Variants in KLHL1 observed in about 807,000 individuals in gnomAD.
The protein encoded by KLHL1 is kelch-like protein 1.
A neutral mutation model predicts 77.7 loss-of-function variants in KLHL1; 47 were observed. That is an observed-to-expected ratio of 0.60 (90% CI 0.48 to 0.77). The LOEUF (loss-of-function observed/expected upper bound fraction) is 0.77. KLHL1 is among the 30% of genes least tolerant of loss of function. KLHL1 has a pLI of 0.00. For missense variants in KLHL1, 925 were observed against 910.8 expected (o/e 1.02, Z -0.20); for synonymous variants, 360 against 325.2 (o/e 1.11, Z -1.15).
At chr13:69,989,829 T>C (rs1884980214) in intron 1 of KLHL1, among the ~76,000 whole-genome samples, 1 of 152,032 alleles carries the variant, frequency 6.6e-6, no homozygotes, top group South Asian at 2.1e-4. Context: ...GAAGCTTTGC[T>C]GAAGTTGCTT....
intron 8 of KLHL1, among the ~76,000 whole-genome samples, chr13:69,720,436 T>C (rs1411852848): frequency 6.6e-6 from 1 of 152,090 alleles, no homozygotes; most frequent in Non-Finnish European, 1.5e-5. Flanking sequence ...TTAAAACTTT[T>C]ATTGATATGT....
At chr13:69,879,725 C>A (rs1880913296) in intron 5 of KLHL1, among the ~76,000 whole-genome samples, 1 of 151,938 alleles carries the variant, frequency 6.6e-6, no homozygotes. Flanking sequence ...AATATGAAAC[C>A]AACCCTAAAT....
At chr13:69,806,814 C>T (rs1877637557) in intron 6 of KLHL1, among the ~76,000 whole-genome samples, 1 of 152,186 alleles carries the variant, frequency 6.6e-6, no homozygotes, top group African/African-American at 2.4e-5. Flanking sequence ...AGTGCAGATA[C>T]TGGGGACCTA....
chr13:69,789,902 A>G (rs1230218525), intron 7 of KLHL1, among the ~76,000 whole-genome samples: 1 of 152,184 alleles, frequency 6.6e-6, no homozygotes, highest in Non-Finnish European at 1.5e-5. Context: ...GGAGAATGTA[A>G]CTTAGAGCTA....
intron 3 of KLHL1, among the ~76,000 whole-genome samples, chr13:69,954,346 T>C (rs992668532): frequency 6.6e-6 from 1 of 151,252 alleles, no homozygotes; most frequent in Non-Finnish European, 1.5e-5. Context: ...GTGAACCTTA[T>C]GATTAAAGTA....
intron 5 of KLHL1, among the ~76,000 whole-genome samples, chr13:69,852,105 T>C (rs1411924939): frequency 6.6e-6 from 1 of 151,826 alleles, no homozygotes; most frequent in Non-Finnish European, 1.5e-5. Flanking sequence ...AAGAAATTGC[T>C]CTGAATTAAG....
intron 7 of KLHL1, among the ~76,000 whole-genome samples, chr13:69,792,053 C>T (rs1490236780): frequency 6.6e-6 from 1 of 152,120 alleles, no homozygotes; most frequent in Non-Finnish European, 1.5e-5. Flanking sequence ...CACAGCAAAT[C>T]ACCATGGCAC....
Position 69,855,345 on chromosome 13 carries a change from TAGAC to T in KLHL1, c.1228-16187_1228-16184del, listed in dbSNP as rs1222247998. Among the ~76,000 whole-genome samples the T allele has an allele frequency of 2.8e-3, 200 of 72,356 alleles. 1 individual carries two copies. The highest frequency in any genetic ancestry group is 7.9e-3 in the African/African-American group (105 of 13,254). The allele number at this position is 72,356 out of a possible 152,430, so 47.5% of individuals were successfully genotyped here. A position where few individuals can be genotyped will look rare whatever the true frequency, so the allele number is the denominator to read the frequency against. Reference sequence around the variant, plus strand: ...ATAGATAGATAGATAGATAGATAGATAGACAGACAGATAGATACATAGAGAGATA... The same window carrying T: ...ATAGATAGATAGATAGATAGATAGATAGACAGATAGATACATAGAGAGATA... On this transcript the variant is annotated intron_variant, in intron 5 of 10. Transcript: ENST00000377844.
intron 6 of KLHL1, among the ~76,000 whole-genome samples, chr13:69,838,287 A>G (rs957628887): frequency 6.6e-6 from 1 of 151,760 alleles, no homozygotes; most frequent in Admixed American, 6.6e-5. Flanking sequence ...ATGGTTAATT[A>G]TATCATTTAT....
intron 7 of KLHL1, among the ~76,000 whole-genome samples, chr13:69,744,518 T>C (rs889534229): frequency 1.3e-5 from 2 of 150,458 alleles, no homozygotes; most frequent in African/African-American, 4.9e-5. Context: ...ATACAATATA[T>C]AAATACATAT....
intron 6 of KLHL1, among the ~76,000 whole-genome samples, chr13:69,816,431 T>TTA (rs1293414473): frequency 6.6e-6 from 1 of 151,840 alleles, no homozygotes; most frequent in Non-Finnish European, 1.5e-5. Context: ...TGGCTAATTT[T>TTA]TTTTTTTCCT....
intron 1 of KLHL1, among the ~76,000 whole-genome samples, chr13:70,062,902 T>G (rs1679445280): frequency 6.6e-6 from 1 of 152,204 alleles, no homozygotes; most frequent in Non-Finnish European, 1.5e-5. Flanking sequence ...TTCAGTCAAT[T>G]TTTTTCATGT....
intron 4 of KLHL1, among the ~76,000 whole-genome samples, chr13:69,899,644 G>A (rs1171555928): frequency 1.3e-5 from 2 of 152,140 alleles, no homozygotes; most frequent in Non-Finnish European, 2.9e-5. Context: ...GACGGCCTTA[G>A]TTAGGAACAT....
rs8001858 is a variant in KLHL1, at chr13:69,792,542, C to T, written c.1639+4196G>A. ...AATTAACCACAGGACTCAATAATCC[C>T]ACACCTACATATATACCAAAAACAA... On this transcript the variant is annotated intron_variant, in intron 7 of 10. Coordinates refer to ENST00000377844, the MANE Select transcript of KLHL1 (RefSeq NM_020866.3). 5.7e-3 allele frequency among the ~76,000 whole-genome samples: 860 copies of T among 152,086 alleles called. 4 individuals are homozygous for T. The highest frequency in any genetic ancestry group is 0.019 in the African/African-American group (794 of 41,478).
chr13:69,870,853 G>A (rs991784672), intron 5 of KLHL1, among the ~76,000 whole-genome samples: 2 of 151,928 alleles, frequency 1.3e-5, no homozygotes, highest in African/African-American at 4.8e-5. Flanking sequence ...GGTGAGAGGT[G>A]GGCTCTCATG....
At chr13:70,050,198 T>G (rs1886597400) in intron 1 of KLHL1, among the ~76,000 whole-genome samples, 1 of 151,854 alleles carries the variant, frequency 6.6e-6, no homozygotes, top group Admixed American at 6.6e-5. Context: ...TTTGATACTT[T>G]ATATGTCATC....
intron 2 of KLHL1, among the ~76,000 whole-genome samples, chr13:69,972,477 C>G (rs1884413794): frequency 6.6e-6 from 1 of 151,804 alleles, no homozygotes; most frequent in South Asian, 2.1e-4. Context: ...TTCATTTGAT[C>G]ATGAACATAT....
At chr13:69,895,118 A>C (rs185870610) in intron 4 of KLHL1, 104 of 464,308 alleles carry the variant, frequency 2.2e-4, no homozygotes, top group African/African-American at 2.0e-3. Context: ...TAATGGTTTC[A>C]TTTGTTCCTT....
chr13:70,052,843 G>C (rs1191404548), intron 1 of KLHL1, among the ~76,000 whole-genome samples: 1 of 151,858 alleles, frequency 6.6e-6, no homozygotes, highest in Non-Finnish European at 1.5e-5. Context: ...AATATAAGAA[G>C]ATAAATTAGA....
Sources: allele counts gnomAD v4.1 joint callset (sites outside exome capture counted in the v4.1 genomes callset), GRCh38; gene constraint gnomAD v4.1.1; transcripts MANE v1.5; gene names NCBI Gene and HGNC (gene_info 2026-07-23, HGNC 2026-07-21).